The following FAM228B variants were observed in gnomAD, a reference collection of about 807,000 sequenced individuals.
FAM228B encodes the protein protein FAM228B.
A neutral mutation model predicts 42.6 loss-of-function variants in FAM228B; 38 were observed. The observed-to-expected ratio is 0.89, with a 90% CI of 0.69 to 1.17. The LOEUF is 1.17. FAM228B is among the 50% of genes most tolerant of loss of function. FAM228B has a pLI of 0.00. For synonymous variants in FAM228B, 109 were observed against 122.3 expected, an observed-to-expected ratio of 0.89 and a Z score of 0.72; for missense variants, 344 against 367.3, an observed-to-expected ratio of 0.94 and a Z score of 0.52.
intron 2 of FAM228B, among the ~76,000 whole-genome samples, chr2:24,092,494 G>A (rs1190842432): frequency 2.6e-5 from 4 of 151,684 alleles, no homozygotes. Flanking sequence ...AGACTCGCTT[G>A]AGCCTGGGAG....
intron 9 of FAM228B, chr2:24,166,629 G>A (rs1012936392): frequency 5.3e-5 from 8 of 150,308 alleles, no homozygotes; most frequent in Non-Finnish European, 1.2e-4. Flanking sequence ...TTTTGATGGG[G>A]AAATAGACAG....
At chr2:24,132,664 T>C (rs1490270565) in intron 2 of FAM228B, among the ~76,000 whole-genome samples, 1 of 152,032 alleles carries the variant, frequency 6.6e-6, no homozygotes, top group Non-Finnish European at 1.5e-5. Flanking sequence ...TGATTGTTTT[T>C]TTCTTAAGTG....
At chr2:24,125,566 CCTTTT>C (rs963694294) in intron 2 of FAM228B, among the ~76,000 whole-genome samples, 3 of 151,544 alleles carry the variant, frequency 2.0e-5, no homozygotes, top group Non-Finnish European at 4.4e-5. Flanking sequence ...CTCTCTCTTT[CCTTTT>C]CTTTTTCTTT....
At chr2:24,116,065 A>G (rs1665907746) in intron 3 of FAM228B, among the ~76,000 whole-genome samples, 1 of 152,152 alleles carries the variant, frequency 6.6e-6, no homozygotes, top group Non-Finnish European at 1.5e-5. Context: ...GTGGTGGCTC[A>G]TATCTGTAAT....
upstream of FAM228B, chr2:24,121,063 T>C: frequency 6.9e-7 from 1 of 1,456,458 alleles, no homozygotes; most frequent in African/African-American, 1.4e-5. Context: ...AAGACATTAA[T>C]GGATTTAATC....
intron 3 of FAM228B, chr2:24,097,502 A>G (rs976877622): frequency 6.6e-6 from 1 of 152,032 alleles, no homozygotes; most frequent in African/African-American, 2.4e-5. Flanking sequence ...CTCTGATAAA[A>G]CAGACTTTAA....
chr2:24,150,409 C>T (rs1388682043), intron 7 of FAM228B, among the ~76,000 whole-genome samples: 1 of 151,540 alleles, frequency 6.6e-6, no homozygotes, highest in African/African-American at 2.4e-5. Context: ...TCTGTCAGCA[C>T]TTTATTTCTT....
chr2:24,144,848 C>T (rs1666856223), intron 5 of FAM228B, among the ~76,000 whole-genome samples: 1 of 152,170 alleles, frequency 6.6e-6, no homozygotes, highest in Non-Finnish European at 1.5e-5. Flanking sequence ...GCCACCAGCA[C>T]CCCCACCCGA....
chr2:24,141,010 G>A (rs1017011291), intron 5 of FAM228B, among the ~76,000 whole-genome samples: 1 of 150,908 alleles, frequency 6.6e-6, no homozygotes, highest in Middle Eastern at 3.4e-3. Context: ...AAATATAATT[G>A]CATTGCATTC....
intron 3 of FAM228B, among the ~76,000 whole-genome samples, chr2:24,097,891 C>T (rs574669654): frequency 6.6e-5 from 10 of 152,278 alleles, no homozygotes; most frequent in African/African-American, 2.4e-4. Flanking sequence ...AAGTAAAGCA[C>T]TCCTCAGCAA....
chr2:24,143,482 T>C (rs1308808528), intron 5 of FAM228B, among the ~76,000 whole-genome samples: 1 of 152,174 alleles, frequency 6.6e-6, no homozygotes, highest in East Asian at 1.9e-4. Flanking sequence ...GCATGAACCA[T>C]CATGCCTGGC....
chr2:24,105,486 G>C (rs951462244), intron 3 of FAM228B, among the ~76,000 whole-genome samples: 3 of 152,180 alleles, frequency 2.0e-5, no homozygotes, highest in African/African-American at 7.2e-5. Context: ...TTCAAAGATT[G>C]AAGGAACATC....
chr2:24,120,586 G>A (rs887614029), upstream of FAM228B, among the ~76,000 whole-genome samples: 2 of 151,702 alleles, frequency 1.3e-5, no homozygotes, highest in Non-Finnish European at 1.5e-5. Flanking sequence ...ATGGAATTTC[G>A]CTCTTGTTGC....
chr2:24,145,928 A>G (rs1326709758), intron 5 of FAM228B, among the ~76,000 whole-genome samples: 1 of 152,142 alleles, frequency 6.6e-6, no homozygotes, highest in Non-Finnish European at 1.5e-5. Context: ...TGACCTTGTC[A>G]TCCGCCTGCC....
Position 24,110,586 on chromosome 2 carries a change from C to T in FAM228B, c.-121+15357C>T, listed in dbSNP as rs939439194. On this transcript the variant is annotated intron_variant, in intron 3 of 10. Transcript: ENST00000613899. ...GAGCTTCTGGGCTGGCGAACACCTCCATGTGCTGGGAGGCGCATGTGTCTG... is the reference window on the plus strand; with the variant it reads ...GAGCTTCTGGGCTGGCGAACACCTCTATGTGCTGGGAGGCGCATGTGTCTG... Among the ~76,000 whole-genome samples the T allele has an allele frequency of 2.6e-5, 4 of 152,226 alleles. No individual in the cohort carries two copies. In the East Asian group the frequency reaches 7.7e-4, roughly 29 times the overall value.
chr2:24,158,214 C>T (rs13022340), intron 7 of FAM228B, among the ~76,000 whole-genome samples: 83,811 of 95,382 alleles, frequency 0.88, 36,313 homozygotes, highest in South Asian at 0.94. Flanking sequence ...TTTTTTTTTT[C>T]CAAAACATTG....
intron 2 of FAM228B, among the ~76,000 whole-genome samples, chr2:24,092,902 A>G (rs902715907): frequency 1.3e-5 from 2 of 149,512 alleles, no homozygotes; most frequent in Non-Finnish European, 3.0e-5. Context: ...AAATACCCCC[A>G]TACACATATA....
At chr2:24,119,797 T>A (rs1666038779), upstream of FAM228B, 1 of 694,120 alleles carries the variant, frequency 1.4e-6, no homozygotes, top group Non-Finnish European at 2.4e-6. Context: ...GGAATATATA[T>A]GGAATATACA....
At chr2:24,128,268 T>G (rs1356749408) in intron 2 of FAM228B, among the ~76,000 whole-genome samples, 1 of 152,140 alleles carries the variant, frequency 6.6e-6, no homozygotes, top group African/African-American at 2.4e-5. Flanking sequence ...GTTGTTGTTG[T>G]TGTTGAGACG....
Sources: allele counts gnomAD v4.1 joint callset (sites outside exome capture counted in the v4.1 genomes callset), GRCh38; gene constraint gnomAD v4.1.1; transcripts MANE v1.5; gene names NCBI Gene and HGNC (gene_info 2026-07-23, HGNC 2026-07-21).